Variants in MACROD2 observed in about 807,000 individuals in gnomAD.
The protein encoded by MACROD2 is ADP-ribose glycohydrolase MACROD2.
In MACROD2, 36 loss-of-function variants were observed where a neutral mutation model predicts 70.4. The ratio of observed to expected loss-of-function variants is 0.51; its 90% CI spans 0.39 to 0.68. MACROD2 has a LOEUF of 0.68. MACROD2 is among the 30% of genes least tolerant of loss of function. The probability of loss-of-function intolerance (pLI) is 0.00; values close to 1 mark genes in which losing one functional copy is unlikely to be tolerated. For missense variants in MACROD2, 496 were observed against 538.4 expected, an observed-to-expected ratio of 0.92 and a Z score of 0.78; for synonymous variants, 172 against 178.8, an observed-to-expected ratio of 0.96 and a Z score of 0.30.
chr20:14,211,773 TA>T (rs2122135017), intron 3 of MACROD2, among the ~76,000 whole-genome samples: 1 of 152,254 alleles, frequency 6.6e-6, no homozygotes, highest in Non-Finnish European at 1.5e-5. Context: ...ATGTGAAAGG[TA>T]CCACCCCTCA....
At chr20:15,916,357 G>A (rs2065315706) in intron 10 of MACROD2, among the ~76,000 whole-genome samples, 1 of 152,208 alleles carries the variant, frequency 6.6e-6, no homozygotes, top group Admixed American at 6.5e-5. Context: ...GTCCTGGCTT[G>A]AAGTGGCAGT....
chr20:14,005,857 T>G (rs1182385312), intron 2 of MACROD2, among the ~76,000 whole-genome samples: 2 of 152,174 alleles, frequency 1.3e-5, no homozygotes, highest in Non-Finnish European at 2.9e-5. Flanking sequence ...CATGTTGGCC[T>G]CCTAAGGTGC....
intron 7 of MACROD2, among the ~76,000 whole-genome samples, chr20:15,454,413 AC>A (rs1568819957): frequency 6.8e-5 from 3 of 44,154 alleles, no homozygotes; most frequent in African/African-American, 1.9e-4. Flanking sequence ...TCAAACACAC[AC>A]ACACACACAC....
At chr20:15,392,116 GATAATGCACACAGGGCCAACT>G (rs1399612445) in intron 6 of MACROD2, among the ~76,000 whole-genome samples, 1 of 150,638 alleles carries the variant, frequency 6.6e-6, no homozygotes, top group Non-Finnish European at 1.5e-5. Context: ...GGTAAATTCA[GATAATGCACACAGGGCCAACT>G]ATAAGCTTGA....
At chr20:14,743,783 T>C (rs1181961992) in intron 5 of MACROD2, among the ~76,000 whole-genome samples, 1 of 152,200 alleles carries the variant, frequency 6.6e-6, no homozygotes, top group South Asian at 2.1e-4. Context: ...AAATGGACTT[T>C]GCAGATGTGA....
At chr20:15,647,831 T>C (rs2049573617) in intron 8 of MACROD2, among the ~76,000 whole-genome samples, 2 of 151,916 alleles carry the variant, frequency 1.3e-5, no homozygotes, top group African/African-American at 4.8e-5. Context: ...GTGATTCTCC[T>C]GCCTCAGTCT....
intron 3 of MACROD2, among the ~76,000 whole-genome samples, chr20:14,232,020 C>T (rs1035246366): frequency 2.6e-5 from 4 of 152,022 alleles, no homozygotes; most frequent in African/African-American, 7.2e-5. Context: ...TGTTTGAGTT[C>T]ATTGTAGATT....
rs1033853973 is a variant in MACROD2, at chr20:14,207,169, C to T, written c.271+121441C>T. Among the ~76,000 whole-genome samples, 13 of 152,038 alleles carry T rather than the reference C, an allele frequency of 8.6e-5. No individual in the cohort carries two copies. In the Middle Eastern group the frequency reaches 0.01, roughly 120 times the overall value. Reference sequence around the variant, plus strand: ...CACTCAGGCTGGAGTGCAATTTCAGCTCACTGCAACCTCTGCCTCCCAGGT... The same window carrying T: ...CACTCAGGCTGGAGTGCAATTTCAGTTCACTGCAACCTCTGCCTCCCAGGT... On this transcript the variant is annotated intron_variant, in intron 3 of 17. Transcript: ENST00000684519.
At chr20:14,350,724 G>A (rs1470486529) in intron 3 of MACROD2, among the ~76,000 whole-genome samples, 2 of 152,010 alleles carry the variant, frequency 1.3e-5, no homozygotes, top group Non-Finnish European at 2.9e-5. Context: ...TCACTTTGTT[G>A]ATTGTTTCCT....
At chr20:16,018,409 T>C (rs1274672528) in intron 15 of MACROD2, among the ~76,000 whole-genome samples, 1 of 152,156 alleles carries the variant, frequency 6.6e-6, no homozygotes, top group Non-Finnish European at 1.5e-5. Flanking sequence ...CAAAGCATAC[T>C]CTTTATAGTA....
chr20:14,820,357 C>CTTTTTTTTTTTTTTTTTTTTTTTTTCT (rs11475238), intron 5 of MACROD2, among the ~76,000 whole-genome samples: 2 of 116,140 alleles, frequency 1.7e-5, no homozygotes, highest in African/African-American at 3.2e-5. Context: ...ATTTTTCTTC[C>CTTTTTTTTTTTTTTTTTTTTTTTTTCT]TTTTTTTTTT....
chr20:15,530,998 C>T (rs1258744810), intron 8 of MACROD2, among the ~76,000 whole-genome samples: 42 of 126,116 alleles, frequency 3.3e-4, no homozygotes, highest in African/African-American at 1.4e-3. Flanking sequence ...AAAATAACTT[C>T]GCTTTTTTTT....
chr20:14,980,755 C>G (rs2074789620), intron 5 of MACROD2, among the ~76,000 whole-genome samples: 1 of 152,094 alleles, frequency 6.6e-6, no homozygotes, highest in South Asian at 2.1e-4. Context: ...TATAAAGCAT[C>G]AAGTTTAGCA....
At chr20:14,662,770 G>A (rs899487301) in intron 4 of MACROD2, among the ~76,000 whole-genome samples, 1 of 151,646 alleles carries the variant, frequency 6.6e-6, no homozygotes, top group Non-Finnish European at 1.5e-5. Context: ...ACATACAAAT[G>A]AAAACCACAA....
At chr20:14,313,201 G>A (rs536607917) in intron 3 of MACROD2, among the ~76,000 whole-genome samples, 10 of 152,252 alleles carry the variant, frequency 6.6e-5, no homozygotes, top group African/African-American at 1.9e-4. Context: ...ATACTTTCAA[G>A]GAATTCTTAA....
At chr20:14,649,284 AG>A (rs1204292361) in intron 4 of MACROD2, among the ~76,000 whole-genome samples, 3 of 152,206 alleles carry the variant, frequency 2.0e-5, no homozygotes, top group Non-Finnish European at 4.4e-5. Context: ...GAGATTAATG[AG>A]GGTAGCACTA....
At chr20:15,770,185 C>A (rs1383549915) in intron 8 of MACROD2, among the ~76,000 whole-genome samples, 1 of 149,660 alleles carries the variant, frequency 6.7e-6, no homozygotes. Flanking sequence ...GCCTCGAACT[C>A]CTGAGCTCAA....
intron 4 of MACROD2, among the ~76,000 whole-genome samples, chr20:14,594,190 C>T (rs76344619): frequency 1.3e-5 from 2 of 152,126 alleles, no homozygotes; most frequent in Non-Finnish European, 2.9e-5. Flanking sequence ...CCCTCTTCAA[C>T]CTGGTTCTTC....
At chr20:14,226,506 G>GT (rs939198282) in intron 3 of MACROD2, among the ~76,000 whole-genome samples, 1 of 152,204 alleles carries the variant, frequency 6.6e-6, no homozygotes, top group African/African-American at 2.4e-5. Context: ...AGGGAGATGT[G>GT]TAGGGAGGCG....
Sources: allele counts gnomAD v4.1 joint callset (sites outside exome capture counted in the v4.1 genomes callset), GRCh38; gene constraint gnomAD v4.1.1; transcripts MANE v1.5; gene names NCBI Gene and HGNC (gene_info 2026-07-23, HGNC 2026-07-21).